ERICH1: variants seen among roughly 807,000 people sequenced by gnomAD.
ERICH1 encodes glutamate rich 1.
ERICH1 carries 56 observed loss-of-function variants against 39.6 expected under a neutral mutation model. That is an observed-to-expected ratio of 1.41 (90% CI 1.14 to 1.77). The LOEUF (loss-of-function observed/expected upper bound fraction) is 1.77. Among genes scored for constraint, ERICH1 ranks in the 40% most tolerant of loss-of-function variants. The pLI, the probability that ERICH1 is intolerant of heterozygous loss-of-function variation, is 0.00. For synonymous variants in ERICH1, 313 were observed against 223.6 expected (o/e 1.40, Z -3.57); for missense variants, 826 against 575.4 (o/e 1.44, Z -4.45).
At chr8:702,295 T>C (rs1308551231) in intron 2 of ERICH1, among the ~76,000 whole-genome samples, 1 of 152,120 alleles carries the variant, frequency 6.6e-6, no homozygotes, top group Non-Finnish European at 1.5e-5. Flanking sequence ...TTAGCGAGAC[T>C]GCAAACACTC....
chr8:684,980 G>A (rs1371870709), intron 3 of ERICH1, among the ~76,000 whole-genome samples: 2 of 152,210 alleles, frequency 1.3e-5, no homozygotes, highest in East Asian at 1.9e-4. Flanking sequence ...GTTCCACTGT[G>A]CATACATTGT....
chr8:724,726 C>G (rs73178876), intron 1 of ERICH1, among the ~76,000 whole-genome samples: 1 of 152,126 alleles, frequency 6.6e-6, no homozygotes, highest in African/African-American at 2.4e-5. Context: ...TGGCTTTTTC[C>G]TTAGATAGGT....
At chr8:667,441 C>G (rs998038328) in intron 5 of ERICH1, 10 of 153,178 alleles carry the variant, frequency 6.5e-5, no homozygotes, top group African/African-American at 2.4e-4. Context: ...ACAGCCTCAT[C>G]TCCAGGATCT....
chr8:674,313 T>TC lies in ERICH1; in HGVS notation c.305-267_305-266insG, dbSNP rs1306885807. On this transcript the variant is annotated intron_variant, in intron 3 of 5. Coordinates refer to ENST00000262109, the MANE Select transcript of ERICH1 (RefSeq NM_207332.3). ...AGTTGTTGCTTTTTTTTTTTTTTTT[T>TC]TTTTCCTGACACAGACTCTTACTTT... Among the ~76,000 whole-genome samples the TC allele has an allele frequency of 9.5e-4, 143 of 150,162 alleles. 2 individuals carry two copies. The East Asian group carries it at 0.025, about 26-fold the overall frequency.
intron 3 of ERICH1, chr8:616,324 G>A (rs74640230): frequency 3.2e-5 from 11 of 338,888 alleles, no homozygotes; most frequent in African/African-American, 1.7e-4. Flanking sequence ...AGAGGGACGC[G>A]TTAACTGAAA....
chr8:627,021 T>A (rs988753526), intron 3 of ERICH1: 14 of 435,868 alleles, frequency 3.2e-5, no homozygotes, highest in African/African-American at 2.8e-4. Context: ...CGTCATGGTG[T>A]CCGACACTCC....
intron 1 of ERICH1, among the ~76,000 whole-genome samples, chr8:728,690 C>A (rs547650108): frequency 1.3e-5 from 2 of 152,176 alleles, no homozygotes; most frequent in Non-Finnish European, 2.9e-5. Context: ...AGTTCATGGT[C>A]GGAGCTGCAC....
intron 3 of ERICH1, among the ~76,000 whole-genome samples, chr8:683,855 C>T (rs1806711166): frequency 6.6e-6 from 1 of 152,176 alleles, no homozygotes; most frequent in African/African-American, 2.4e-5. Context: ...AAACATGTGG[C>T]CAAATACACA....
At chr8:672,717 C>T (rs1436907165) in intron 4 of ERICH1, among the ~76,000 whole-genome samples, 3 of 152,214 alleles carry the variant, frequency 2.0e-5, no homozygotes, top group East Asian at 1.9e-4. Flanking sequence ...TAAGCAAGTG[C>T]CATCTGTGAC....
downstream of ERICH1, among the ~76,000 whole-genome samples, chr8:659,862 T>C (rs1340263802): frequency 1.3e-5 from 1 of 74,576 alleles, no homozygotes; most frequent in African/African-American, 4.6e-5. Context: ...ACCATCGAGA[T>C]CTCCAGTGTG....
chr8:637,881 T>C (rs938461107), intron 3 of ERICH1, among the ~76,000 whole-genome samples: 2 of 152,150 alleles, frequency 1.3e-5, no homozygotes. Flanking sequence ...TCTCAACATG[T>C]AGCCTGCTCT....
In ERICH1 at chr8:649,424, G is replaced by A. The variant is rs981434285; in HGVS notation, c.976+19174C>T. 5.9e-5 allele frequency among the ~76,000 whole-genome samples: 9 copies of A among 152,014 alleles called. 4 individuals carry two copies. The highest frequency in any genetic ancestry group is 2.2e-4 in the African/African-American group (9 of 41,428). On this transcript the variant is annotated intron_variant, in intron 3 of 3. Transcript: ENST00000522706. ...TTAAACTGGCTTCTCGGCTAAGAGC[G>A]GGGCTTGCTTTTATTCTATGCTGTC...
chr8:663,758 G>GT (rs5888809), downstream of ERICH1, among the ~76,000 whole-genome samples: 506 of 145,372 alleles, frequency 3.5e-3, no homozygotes, highest in East Asian at 8.4e-3. Context: ...TTGACTGATG[G>GT]TTTTTTTTTT....
At chr8:678,473 A>C (rs1264746260) in intron 3 of ERICH1, among the ~76,000 whole-genome samples, 2 of 152,248 alleles carry the variant, frequency 1.3e-5, no homozygotes, top group African/African-American at 4.8e-5. Flanking sequence ...ATCTGTCTTA[A>C]AAAATGAGTC....
chr8:717,147 C>A (rs1037227556), intron 1 of ERICH1, among the ~76,000 whole-genome samples: 15 of 152,138 alleles, frequency 9.9e-5, no homozygotes, highest in African/African-American at 3.4e-4. Context: ...AGAGAGTGAG[C>A]ACAAAGCCTG....
intron 2 of ERICH1, among the ~76,000 whole-genome samples, chr8:698,265 C>T (rs1265025638): frequency 1.3e-5 from 2 of 150,116 alleles, no homozygotes; most frequent in Non-Finnish European, 2.9e-5. Context: ...GTCACCCAGG[C>T]TGGAGTGCAG....
chr8:658,361 G>C (rs1057346452), intron 3 of ERICH1, among the ~76,000 whole-genome samples: 1 of 152,190 alleles, frequency 6.6e-6, no homozygotes, highest in African/African-American at 2.4e-5. Context: ...AGCCCTGTGG[G>C]GTGGTCAGGC....
At chr8:712,189 G>C (rs188191096) in intron 2 of ERICH1, among the ~76,000 whole-genome samples, 59 of 152,240 alleles carry the variant, frequency 3.9e-4, no homozygotes, top group Non-Finnish European at 6.5e-4. Context: ...AAAATAACTT[G>C]CTGGGATATT....
intron 3 of ERICH1, among the ~76,000 whole-genome samples, chr8:658,775 C>A (rs1801004186): frequency 6.6e-6 from 1 of 152,226 alleles, no homozygotes; most frequent in South Asian, 2.1e-4. Context: ...CAGGGCAAGG[C>A]CTCGATCGGG....
Sources: allele counts gnomAD v4.1 joint callset (sites outside exome capture counted in the v4.1 genomes callset), GRCh38; gene constraint gnomAD v4.1.1; transcripts MANE v1.5; gene names NCBI Gene and HGNC (gene_info 2026-07-23, HGNC 2026-07-21).